Variants in CACNA1I observed in about 807,000 individuals in gnomAD.
CACNA1I encodes calcium voltage-gated channel subunit alpha1 I.
CACNA1I carries 74 observed loss-of-function variants against 201.6 expected under a neutral mutation model. The ratio of observed to expected loss-of-function variants is 0.37; its 90% CI spans 0.30 to 0.45. The LOEUF (loss-of-function observed/expected upper bound fraction) is 0.45, where lower values mean the gene tolerates loss of function less well. Among genes scored for constraint, CACNA1I ranks in the 20% least tolerant of loss-of-function variants. The pLI is 1.00. For missense variants in CACNA1I, 2,346 were observed against 3,138.1 expected (o/e 0.75, Z 6.03); for synonymous variants, 1,431 against 1,345.2 (o/e 1.06, Z -1.40).
intron 1 of CACNA1I, among the ~76,000 whole-genome samples, chr22:39,594,466 C>T (rs894196370): frequency 6.6e-6 from 1 of 152,158 alleles, no homozygotes; most frequent in African/African-American, 2.4e-5. Flanking sequence ...GAGCCAGGCT[C>T]AGGCTCGAAG....
chr22:39,673,960 C>T lies in CACNA1I; in HGVS notation c.4784-3C>T. The stretch of plus-strand genomic sequence containing the variant: ...AGTGGGCAGGGCTGGGTCTCGCCCG[C>T]AGTGCTGAAGCTGTTGAAGATGGCC... On this transcript the variant is annotated splice_region_variant and splice_polypyrimidine_tract_variant and intron_variant, in intron 28 of 36. Coordinates refer to ENST00000402142, the MANE Select transcript of CACNA1I (RefSeq NM_021096.4). The T allele has an allele frequency of 6.2e-7, 1 of 1,612,614 alleles. No individual in the cohort carries two copies. Among genetic ancestry groups the T allele is most frequent in the Non-Finnish European group, 8.5e-7 (1 of 1,179,830 alleles).
At position 39,679,834 on chromosome 22, in the gene CACNA1I, C is replaced by A; in HGVS notation, c.5507C>A (p.Ala1836Asp). The A allele has an allele frequency of 1.2e-6, 2 of 1,612,684 alleles. No individual in the cohort carries two copies. Among genetic ancestry groups the A allele is most frequent in the Non-Finnish European group, 1.7e-6 (2 of 1,179,470 alleles). ...GSIFHHYSSP[A>D]GCKKCHHDKQ... ...ATCTTCCACCACTACTCCTCGCCTG[C>A]CGGCTGCAAGAAGTGTCACCACGAC... The change falls in exon 33 of 37, where the codon GCC becomes GAC. Residue 1836 changes from alanine to aspartate, a missense_variant. Ala to Asp is a moderately radical substitution (Grantham distance 126). This residue lies in a region of CACNA1I where 441 missense variants were observed against 555.6 expected (regional missense o/e 0.79). Coordinates refer to ENST00000402142, the MANE Select transcript of CACNA1I (RefSeq NM_021096.4).
At position 39,659,939 on chromosome 22, in the gene CACNA1I, G is replaced by A. The variant is rs540994593; in HGVS notation, c.2604+87G>A. On this transcript the variant is annotated intron_variant, in intron 14 of 36. Coordinates refer to ENST00000402142, the MANE Select transcript of CACNA1I (RefSeq NM_021096.4). This position sits in a 1 kb window ranked among gnomAD's most constrained non-coding sequence, Gnocchi z 4.3. Reference sequence around the variant, plus strand: ...GAGGTGGCCTGGATGGGGGAGGGCTGCAATTCAAACTTCTAGCAGGCAACC... The same window carrying A: ...GAGGTGGCCTGGATGGGGGAGGGCTACAATTCAAACTTCTAGCAGGCAACC... 8 of 1,506,848 alleles carry A rather than the reference G, an allele frequency of 5.3e-6. No homozygotes were observed. In the South Asian group the frequency reaches 8.0e-5, roughly 15 times the overall value. 93.3% of individuals were successfully genotyped at this position (1,506,848 alleles called of 1,614,324 possible).
intron 7 of CACNA1I, among the ~76,000 whole-genome samples, chr22:39,643,286 C>T (rs181397941): frequency 1.3e-5 from 2 of 152,294 alleles, no homozygotes; most frequent in African/African-American, 2.4e-5. Flanking sequence ...ACAAGATGCC[C>T]GGAGACTGAG....
At chr22:39,669,050 G>T (rs1288954551) in intron 24 of CACNA1I, among the ~76,000 whole-genome samples, 1 of 152,150 alleles carries the variant, frequency 6.6e-6, no homozygotes, top group African/African-American at 2.4e-5. Context: ...AGTAGCAGGG[G>T]TCCCTCTGGG....
chr22:39,586,928 C>T (rs1033625984), intron 1 of CACNA1I, among the ~76,000 whole-genome samples: 5 of 152,184 alleles, frequency 3.3e-5, no homozygotes, highest in Non-Finnish European at 5.9e-5. Context: ...TGCCTGCATA[C>T]TTTCTGTGTG....
intron 1 of CACNA1I, among the ~76,000 whole-genome samples, chr22:39,596,953 G>A (rs1486914515): frequency 6.6e-6 from 1 of 152,146 alleles, no homozygotes; most frequent in African/African-American, 2.4e-5. Context: ...GGTTGCATAG[G>A]TGGGGTGTGG....
In CACNA1I at chr22:39,684,206, G is replaced by C; in HGVS notation, c.5831-96G>C. On this transcript the variant is annotated intron_variant, in intron 35 of 36. Coordinates refer to ENST00000402142, the MANE Select transcript of CACNA1I (RefSeq NM_021096.4). This position sits in a 1 kb window ranked among gnomAD's most constrained non-coding sequence, Gnocchi z 4.6. ...TCAGTTTATTAGGTGGCCCCTCACT[G>C]CTGGCCCAGTGAGATTGGTGCTCAA... 9.7e-7 allele frequency: 1 copy of C among 1,031,970 alleles called. No homozygotes were observed. Among genetic ancestry groups the C allele is most frequent in the Non-Finnish European group, 1.5e-6 (1 of 684,038 alleles). The allele number at this position is 1,031,970 out of a possible 1,614,324, so 63.9% of individuals were successfully genotyped here.
At chr22:39,628,444 G>A (rs970727972) in intron 4 of CACNA1I, among the ~76,000 whole-genome samples, 3 of 152,074 alleles carry the variant, frequency 2.0e-5, no homozygotes, top group South Asian at 2.1e-4. Context: ...CACAGCAGGT[G>A]GGGGGACCTT....
At position 39,659,581 on chromosome 22, in the gene CACNA1I, G is replaced by C; in HGVS notation, c.2448+31G>C. ...TGGCCGCTGCGTGTTCATGTTTGCT[G>C]GGGAAGCGATGGGACAGTAGGCCTG... On this transcript the variant is annotated intron_variant, in intron 13 of 36. Coordinates refer to ENST00000402142, the MANE Select transcript of CACNA1I (RefSeq NM_021096.4). The surrounding 1 kb of genome is among the most constrained non-coding windows in gnomAD (Gnocchi z 4.3). 1 of 1,601,980 alleles carries C rather than the reference G, an allele frequency of 6.2e-7. No homozygotes were observed. Among genetic ancestry groups the C allele is most frequent in the Non-Finnish European group, 8.6e-7 (1 of 1,169,390 alleles).
rs1171462459 is a variant in CACNA1I, at chr22:39,684,705, T to G, written c.6027+207T>G. The G allele has an allele frequency of 1.6e-6, 1 of 620,374 alleles. No individual in the cohort carries two copies. The highest frequency in any genetic ancestry group is 1.8e-5 in the African/African-American group (1 of 54,278). The allele number at this position is 620,374 out of a possible 1,614,324, so 38.4% of individuals were successfully genotyped here. A position where few individuals can be genotyped will look rare whatever the true frequency, so the allele number is the denominator to read the frequency against. ...GGCGGATGGAGTGGGCGGGGCTGGG[T>G]CCTGGGGACAGCAGAGTGTGGGGAG... On this transcript the variant is annotated intron_variant, in intron 36 of 36. Coordinates refer to ENST00000402142, the MANE Select transcript of CACNA1I (RefSeq NM_021096.4). This position sits in a 1 kb window ranked among gnomAD's most constrained non-coding sequence, Gnocchi z 4.6.
intron 23 of CACNA1I, among the ~76,000 whole-genome samples, 160 bp from the exon 24 acceptor site, chr22:39,668,132 G>A (rs1193104071): frequency 6.6e-6 from 1 of 152,186 alleles, no homozygotes; most frequent in Non-Finnish European, 1.5e-5. Context: ...TAGGTCCTTA[G>A]GAAAGTTTGT....
chr22:39,677,380 A>G lies in CACNA1I; in HGVS notation c.4894A>G (p.Ile1632Val). Residue 1632 changes from isoleucine (I) to valine (V), a missense_variant, in exon 30 of 37, where the codon ATC (isoleucine) becomes GTC (valine). By Grantham distance (29) the Ile-to-Val change is conservative. Transcript: ENST00000402142. The surrounding 1 kb of genome is among the most constrained non-coding windows in gnomAD (Gnocchi z 4.8). ...LGLLFMLLFFIYAALGVELFG... is the reference protein window; with the variant it reads ...LGLLFMLLFFVYAALGVELFG... ...CCTCCTCTTCATGCTGCTCTTCTTC[A>G]TCTATGCTGCTCTCGGGGTGGAGCT... 1 of 1,598,610 alleles carries G rather than the reference A, an allele frequency of 6.3e-7. No individual in the cohort carries two copies. Among genetic ancestry groups the G allele is most frequent in the South Asian group, 1.1e-5 (1 of 88,386 alleles).
chr22:39,685,755 C>A lies in CACNA1I; in HGVS notation c.6028-6C>A. On this transcript the variant is annotated splice_region_variant and splice_polypyrimidine_tract_variant and intron_variant, in intron 36 of 36. Transcript: ENST00000402142. This position sits in a 1 kb window ranked among gnomAD's most constrained non-coding sequence, Gnocchi z 5.0. ...GGCGGCCTCCACGGCTCCCACCTCC[C>A]CCCAGGCCACCGGGAGCGACACGTC... 1.4e-6 allele frequency: 2 copies of A among 1,472,108 alleles called. No homozygotes were observed. Among genetic ancestry groups the A allele is most frequent in the South Asian group, 2.6e-5 (2 of 76,138 alleles). The allele number at this position is 1,472,108 out of a possible 1,614,324, so 91.2% of individuals were successfully genotyped here.
At chr22:39,608,116 CAAAAAAA>C (rs147887508) in intron 3 of CACNA1I, among the ~76,000 whole-genome samples, 1 of 106,704 alleles carries the variant, frequency 9.4e-6, no homozygotes, top group Admixed American at 1.0e-4. Context: ...ACTCCATCTC[CAAAAAAA>C]AAAAAAAAAA....
rs975571236 is a variant in CACNA1I, at chr22:39,664,837, C to T, written c.3765C>T (p.Ile1255=). 6.2e-7 allele frequency: 1 copy of T among 1,613,114 alleles called. No individual in the cohort carries two copies. Among genetic ancestry groups the T allele is most frequent in the African/African-American group, 1.3e-5 (1 of 75,042 alleles). Residue 1255 remains isoleucine (I), a synonymous_variant, in exon 21 of 37, where the codon ATC becomes ATT. Transcript: ENST00000402142. Reference sequence around the variant, plus strand: ...TTGTCTTCGTGTCCATCATCGACATCGTGGTGTCCCTGGCCTCAGCCGGGG... The same window carrying T: ...TTGTCTTCGTGTCCATCATCGACATTGTGGTGTCCCTGGCCTCAGCCGGGG... The part of the protein sequence containing the change: ...GFLVFVSIID[I]VVSLASAGGA...
At chr22:39,588,385 C>CTTTT (rs3044379) in intron 1 of CACNA1I, among the ~76,000 whole-genome samples, 105 of 80,644 alleles carry the variant, frequency 1.3e-3, no homozygotes, top group Non-Finnish European at 1.6e-3. Context: ...TTCTTTCTTT[C>CTTTT]TTTTTTTTTT....
intron 4 of CACNA1I, among the ~76,000 whole-genome samples, chr22:39,625,904 T>C (rs1350614825): frequency 6.7e-6 from 1 of 148,540 alleles, no homozygotes; most frequent in Non-Finnish European, 1.5e-5. Flanking sequence ...ACTGCCTGAG[T>C]CATTTACATA....
intron 6 of CACNA1I, among the ~76,000 whole-genome samples, chr22:39,642,282 C>T (rs1426792329): frequency 4.6e-5 from 7 of 152,122 alleles, no homozygotes; most frequent in Non-Finnish European, 8.8e-5. Context: ...AACAAGGACC[C>T]AGGGTTTGTC....
Sources: allele counts gnomAD v4.1 joint callset (sites outside exome capture counted in the v4.1 genomes callset), GRCh38; gene constraint gnomAD v4.1.1; regional missense constraint gnomAD v4.1.1; non-coding constraint Gnocchi (gnomAD v3.1); transcripts MANE v1.5; gene names NCBI Gene and HGNC (gene_info 2026-07-23, HGNC 2026-07-21).